COA1: variants seen among roughly 807,000 people sequenced by gnomAD.
The protein encoded by COA1 is cytochrome c oxidase assembly factor 1.
In COA1, 13 loss-of-function variants were observed where a neutral mutation model predicts 16.0. The ratio of observed to expected loss-of-function variants is 0.81; its 90% CI spans 0.53 to 1.29. The LOEUF (loss-of-function observed/expected upper bound fraction) is 1.29. COA1 is among the 50% of genes most tolerant of loss of function. The pLI is 0.00. For missense variants in COA1, 179 were observed against 177.0 expected, an observed-to-expected ratio of 1.01 and a Z score of -0.06; for synonymous variants, 65 against 65.7, an observed-to-expected ratio of 0.99 and a Z score of 0.05.
intron 6 of COA1, chr7:43,619,634 G>A: frequency 6.2e-7 from 1 of 1,614,044 alleles, no homozygotes. Context: ...TCTCCATTGG[G>A]TGACATTAAG....
At chr7:43,609,562 C>T (rs986484925) in intron 6 of COA1, 2 of 152,198 alleles carry the variant, frequency 1.3e-5, no homozygotes, top group Non-Finnish European at 2.9e-5. Context: ...TTAGTATATT[C>T]CTGCAGGTGT....
At chr7:43,699,153 G>A (rs1030246554) in intron 1 of COA1, among the ~76,000 whole-genome samples, 2 of 151,940 alleles carry the variant, frequency 1.3e-5, no homozygotes, top group South Asian at 2.1e-4. Context: ...TGAGACACTC[G>A]TAAAAGAACA....
intron 6 of COA1, chr7:43,624,761 AATGG>A: frequency 6.2e-7 from 1 of 1,613,614 alleles, no homozygotes; most frequent in South Asian, 1.1e-5. Flanking sequence ...AAAAAGAGAA[AATGG>A]AGCAAAAGGC....
At chr7:43,680,982 G>A (rs573642565) in intron 1 of COA1, among the ~76,000 whole-genome samples, 1 of 152,158 alleles carries the variant, frequency 6.6e-6, no homozygotes, top group East Asian at 1.9e-4. Context: ...GGGGAGGGGG[G>A]TACTTTTCAG....
chr7:43,639,667 T>C lies in COA1; in HGVS notation c.356A>G (p.Glu119Gly). 1 of 1,613,880 alleles carries C rather than the reference T, an allele frequency of 6.2e-7. No individual in the cohort carries two copies. Among genetic ancestry groups the C allele is most frequent in the Non-Finnish European group, 8.5e-7 (1 of 1,179,810 alleles). ...ACCATCCTTGAGCTCTAAAAAGACCTCGTCAAGGTGCCACCTGAGAGAAAC... is the reference window on the plus strand; with the variant it reads ...ACCATCCTTGAGCTCTAAAAAGACCCCGTCAAGGTGCCACCTGAGAGAAAC... ...GGPFQRWHLD[E>G]VFLELKDGQQ... The change falls in exon 6 of 6, where the codon GAG becomes GGG. Residue 119 changes from glutamate to glycine, a missense_variant. Transcript: ENST00000223336.
chr7:43,670,602 G>A (rs975811862), intron 1 of COA1, among the ~76,000 whole-genome samples: 3 of 152,086 alleles, frequency 2.0e-5, no homozygotes, highest in Non-Finnish European at 4.4e-5. Flanking sequence ...TAGCCTAGTC[G>A]GGTAGATTAC....
At chr7:43,687,955 T>A (rs1584999612) in intron 1 of COA1, among the ~76,000 whole-genome samples, 2 of 152,154 alleles carry the variant, frequency 1.3e-5, no homozygotes, top group East Asian at 3.8e-4. Flanking sequence ...TGGGGGCCAG[T>A]CTTTGCTGTG....
At chr7:43,699,164 C>T (rs1266505096) in intron 1 of COA1, among the ~76,000 whole-genome samples, 2 of 152,070 alleles carry the variant, frequency 1.3e-5, no homozygotes, top group African/African-American at 2.4e-5. Flanking sequence ...TAAAAGAACA[C>T]ACCCTTAAAA....
intron 1 of COA1, among the ~76,000 whole-genome samples, chr7:43,687,450 T>C (rs1473398131): frequency 1.3e-5 from 2 of 152,096 alleles, no homozygotes; most frequent in Non-Finnish European, 2.9e-5. Flanking sequence ...AGTAAATATA[T>C]ATAAACATAT....
intron 3 of COA1, chr7:43,646,000 G>A (rs2089186456): frequency 6.5e-6 from 1 of 153,342 alleles, no homozygotes; most frequent in Admixed American, 6.5e-5. Context: ...ATCCTTCTGA[G>A]CCCACAGGCT....
rs1024582983 is a variant in COA1, at chr7:43,648,408, A to T, written c.15+192T>A. 4.2e-6 allele frequency: 3 copies of T among 711,058 alleles called. No individual in the cohort carries two copies. The African/African-American group carries it at 5.3e-5, about 12-fold the overall frequency. 44.0% of individuals were successfully genotyped at this position (711,058 alleles called of 1,614,324 possible). A position where few individuals can be genotyped will look rare whatever the true frequency, so the allele number is the denominator to read the frequency against. The stretch of plus-strand genomic sequence containing the variant: ...TGTTACAGCTTCCAACGCCAGCATG[A>T]GACACGAGAGAAAGACAGAGTGGGA... On this transcript the variant is annotated intron_variant, in intron 2 of 5. Coordinates refer to ENST00000223336, the MANE Select transcript of COA1 (RefSeq NM_018224.4).
At chr7:43,717,536 T>C (rs2095419662) in intron 1 of COA1, among the ~76,000 whole-genome samples, 1 of 152,194 alleles carries the variant, frequency 6.6e-6, no homozygotes, top group Non-Finnish European at 1.5e-5. Flanking sequence ...TTGCATTTGA[T>C]TTTACGGGCT....
intron 1 of COA1, among the ~76,000 whole-genome samples, chr7:43,699,144 G>C (rs2094620676): frequency 6.6e-6 from 1 of 152,040 alleles, no homozygotes. Context: ...GACATTAATT[G>C]AGACACTCGT....
intron 4 of COA1, 50 bp downstream of exon 4, chr7:43,645,201 C>A (rs746012516): frequency 1.1e-5 from 17 of 1,583,278 alleles, no homozygotes; most frequent in African/African-American, 2.7e-5. Flanking sequence ...AGTAGACTCT[C>A]CTCTCCTTCA....
At chr7:43,618,173 C>T (rs146198804) in intron 6 of COA1, among the ~76,000 whole-genome samples, 1 of 152,292 alleles carries the variant, frequency 6.6e-6, no homozygotes, top group East Asian at 1.9e-4. Context: ...ATAGAGTAAG[C>T]ATGCTGTGTA....
At chr7:43,728,669 G>C (rs1330091595) in intron 1 of COA1, among the ~76,000 whole-genome samples, 2 of 152,188 alleles carry the variant, frequency 1.3e-5, no homozygotes, top group African/African-American at 2.4e-5. Context: ...GGAAGATTCT[G>C]AGGACAGAAA....
intron 3 of COA1, 99 bp from the exon 4 acceptor site, chr7:43,645,498 A>G (rs2089008034): frequency 6.5e-6 from 7 of 1,078,294 alleles, no homozygotes; most frequent in African/African-American, 1.6e-5. Flanking sequence ...CAGGGTAGAA[A>G]CAGAAACGTG....
rs948154869 is a variant in COA1 at position 43,729,508 on chromosome 7, G to C, written c.-118C>G. The C allele has an allele frequency of 6.6e-6, 1 of 152,304 alleles. No individual in the cohort carries two copies. The highest frequency in any genetic ancestry group is 1.5e-5 in the Non-Finnish European group (1 of 68,088). The allele number at this position is 152,304 out of a possible 1,614,324, so 9.4% of individuals were successfully genotyped here. ...TGGGAAAGCACGGGTAAATGCCCGC[G>C]GTCCTGCGCGCCAGCGGGGAGCAGT... On this transcript the variant is annotated 5_prime_UTR_variant, in exon 1 of 6. Coordinates refer to ENST00000223336, the MANE Select transcript of COA1 (RefSeq NM_018224.4).
chr7:43,632,547 T>C (rs1415875945), intron 6 of COA1: 2 of 152,250 alleles, frequency 1.3e-5, no homozygotes, highest in Non-Finnish European at 2.9e-5. Flanking sequence ...AACCACAAAA[T>C]GTATTTCTTA....
Sources: allele counts gnomAD v4.1 joint callset (sites outside exome capture counted in the v4.1 genomes callset), GRCh38; gene constraint gnomAD v4.1.1; transcripts MANE v1.5; gene names NCBI Gene and HGNC (gene_info 2026-07-23, HGNC 2026-07-21).